QPRT: variants seen among roughly 807,000 people sequenced by gnomAD.
The protein encoded by QPRT is quinolinate phosphoribosyltransferase.
Under a neutral mutation model 19.8 loss-of-function variants are expected in QPRT, and 17 were observed. The ratio of observed to expected loss-of-function variants is 0.86; its 90% confidence interval spans 0.59 to 1.29. QPRT has a LOEUF of 1.29. Ranked by LOEUF, QPRT falls within the 50% of genes most tolerant of loss-of-function variation. The pLI is 0.00. For synonymous variants in QPRT, 178 were observed against 191.0 expected, an observed-to-expected ratio of 0.93 and a Z score of 0.56; for missense variants, 336 against 405.1, an observed-to-expected ratio of 0.83 and a Z score of 1.46.
At position 29,695,072 on chromosome 16, in the gene QPRT, C is replaced by T. The variant is rs1479367439; in HGVS notation, c.422C>T (p.Thr141Met). 4.4e-6 allele frequency: 7 copies of T among 1,606,478 alleles called. No individual in the cohort carries two copies. Among genetic ancestry groups the T allele is most frequent in the Non-Finnish European group, 5.9e-6 (7 of 1,178,782 alleles). The change falls in exon 2 of 4, where the codon ACG (threonine) becomes ATG (methionine). Residue 141 changes from threonine (T) to methionine (M), a missense_variant. Thr to Met is a moderately conservative substitution (Grantham distance 81). Transcript: ENST00000395384. ...CACGTGGCAGGCACGAGGAAGACCA[C>T]GCCAGGCTTCCGGCTGGTGGAGAAG... ...TGHVAGTRKT[T>M]PGFRLVEKYG...
At chr16:29,688,579 G>A (rs1164276628) in intron 1 of QPRT, among the ~76,000 whole-genome samples, 1 of 152,030 alleles carries the variant, frequency 6.6e-6, no homozygotes, top group Non-Finnish European at 1.5e-5. Context: ...GAGTACAGTG[G>A]TGCTATCTCG....
intron 1 of QPRT, among the ~76,000 whole-genome samples, chr16:29,685,192 C>T (rs1242986845): frequency 4.6e-5 from 7 of 152,026 alleles, no homozygotes; most frequent in Admixed American, 2.0e-4. Context: ...ATTTGTTGGC[C>T]GGGCGCAGTG....
Position 29,679,213 on chromosome 16 carries a change from AAAGGG to A in QPRT, c.13+5_13+9del. Reference sequence around the variant, plus strand: ...GCAAGTCACCATGGACGCTGAAGGTAAAGGGACACTCTCTCTGCCATGTCCCTGCA... The same window carrying A: ...GCAAGTCACCATGGACGCTGAAGGTAACACTCTCTCTGCCATGTCCCTGCA... On this transcript the variant is annotated splice_donor_5th_base_variant and intron_variant, in intron 1 of 3. Transcript: ENST00000395384. 1 of 1,608,408 alleles carries A rather than the reference AAAGGG, an allele frequency of 6.2e-7. No individual in the cohort carries two copies. Among genetic ancestry groups the A allele is most frequent in the Non-Finnish European group, 8.5e-7 (1 of 1,175,106 alleles).
chr16:29,693,216 G>C (rs1351507963), intron 1 of QPRT, among the ~76,000 whole-genome samples: 1 of 152,100 alleles, frequency 6.6e-6, no homozygotes, highest in African/African-American at 2.4e-5. Flanking sequence ...GCAAATAGTA[G>C]GTCTTATTCA....
intron 1 of QPRT, among the ~76,000 whole-genome samples, chr16:29,683,089 A>G (rs1249677980): frequency 6.6e-6 from 1 of 150,456 alleles, no homozygotes; most frequent in Non-Finnish European, 1.5e-5. Context: ...CAGTGGCGCA[A>G]CCTCGGCTCA....
At chr16:29,692,297 C>A (rs1217340771) in intron 1 of QPRT, among the ~76,000 whole-genome samples, 1 of 151,860 alleles carries the variant, frequency 6.6e-6, no homozygotes, top group African/African-American at 2.4e-5. Flanking sequence ...AGTGTGGGTA[C>A]TGGCCGGGCG....
intron 1 of QPRT, among the ~76,000 whole-genome samples, chr16:29,691,466 G>A (rs564729124): frequency 9.2e-4 from 138 of 149,972 alleles, no homozygotes; most frequent in Admixed American, 2.8e-3. Context: ...GATTGCTTAA[G>A]CCTGGGAGTT....
chr16:29,693,788 C>T (rs1967426443), intron 1 of QPRT, among the ~76,000 whole-genome samples: 1 of 151,700 alleles, frequency 6.6e-6, no homozygotes, highest in Admixed American at 6.6e-5. Context: ...GAGGGTTTTA[C>T]CATTTTGGCT....
intron 1 of QPRT, among the ~76,000 whole-genome samples, chr16:29,685,016 G>C (rs571974208): frequency 2.0e-4 from 30 of 152,234 alleles, no homozygotes; most frequent in Non-Finnish European, 2.1e-4. Flanking sequence ...CCTTCTGCCA[G>C]CTCTCAGCTA....
At chr16:29,696,345 C>T (rs1254245104) in intron 2 of QPRT, 1 of 152,106 alleles carries the variant, frequency 6.6e-6, no homozygotes, top group Non-Finnish European at 1.5e-5. Flanking sequence ...AAAAAATTAG[C>T]CATGCTTGTG....
At chr16:29,696,812 G>A in intron 2 of QPRT, 184 bp from the exon 3 acceptor site, 3 of 648,006 alleles carry the variant, frequency 4.6e-6, no homozygotes, top group Non-Finnish European at 7.4e-6. Flanking sequence ...CAACCCCAAA[G>A]TCTGGTTTCC....
At chr16:29,694,411 G>T (rs937453696) in intron 1 of QPRT, among the ~76,000 whole-genome samples, 1 of 151,972 alleles carries the variant, frequency 6.6e-6, no homozygotes, top group African/African-American at 2.4e-5. Flanking sequence ...GAGCCACCGC[G>T]CCCGGCCCAG....
intron 1 of QPRT, among the ~76,000 whole-genome samples, chr16:29,691,595 G>C (rs927572335): frequency 6.6e-6 from 1 of 152,136 alleles, no homozygotes; most frequent in South Asian, 2.1e-4. Context: ...GCTGAGGCGA[G>C]AGGATTGCTT....
intron 1 of QPRT, among the ~76,000 whole-genome samples, chr16:29,688,634 C>T (rs528347830): frequency 6.6e-6 from 1 of 152,108 alleles, no homozygotes; most frequent in Non-Finnish European, 1.5e-5. Context: ...ATTCTCGTGC[C>T]TCAGCCTCCC....
chr16:29,697,209 C>T lies in QPRT; in HGVS notation c.692C>T (p.Pro231Leu). 1 of 1,610,276 alleles carries T rather than the reference C, an allele frequency of 6.2e-7. No individual in the cohort carries two copies. Among genetic ancestry groups the T allele is most frequent in the East Asian group, 2.2e-5 (1 of 44,762 alleles). ...LDNFKPEELHPTATVLKAQFP... is the reference protein window; with the variant it reads ...LDNFKPEELHLTATVLKAQFP... The stretch of plus-strand genomic sequence containing the variant: ...GCTTGTGTCCCGCAGGAGCTGCACC[C>T]CACGGCCACCGTGCTGAAGGCCCAG... The change falls in exon 4 of 4, where the codon CCC (proline) becomes CTC (leucine). Residue 231 changes from proline (P) to leucine (L), a missense_variant. Pro to Leu is a moderately conservative substitution (Grantham distance 98). Transcript: ENST00000395384. This position sits in a 1 kb window ranked among gnomAD's most constrained non-coding sequence, Gnocchi z 4.4.
At chr16:29,683,796 G>A (rs550070818) in intron 1 of QPRT, among the ~76,000 whole-genome samples, 1 of 152,246 alleles carries the variant, frequency 6.6e-6, no homozygotes, top group African/African-American at 2.4e-5. Flanking sequence ...GCATCTGAAA[G>A]TTTGAAAAGC....
At chr16:29,685,183 T>A (rs1967126138) in intron 1 of QPRT, among the ~76,000 whole-genome samples, 1 of 152,186 alleles carries the variant, frequency 6.6e-6, no homozygotes, top group Non-Finnish European at 1.5e-5. Context: ...AAATTAATTA[T>A]TTGTTGGCCG....
Position 29,697,132 on chromosome 16 carries a change from G to A in QPRT, c.681+5G>A, listed in dbSNP as rs780737901. On this transcript the variant is annotated splice_donor_5th_base_variant and intron_variant, in intron 3 of 3. Coordinates refer to ENST00000395384, the MANE Select transcript of QPRT (RefSeq NM_014298.6). The surrounding 1 kb of genome is among the most constrained non-coding windows in gnomAD (Gnocchi z 4.4). ...CTGGACAACTTCAAGCCAGAGGTAA[G>A]GTGGGCTCTGCCTCCGGGGAGGGAT... The A allele has an allele frequency of 5.7e-5, 91 of 1,601,462 alleles. 2 individuals carry two copies. The highest frequency in any genetic ancestry group is 3.1e-4 in the East Asian group (14 of 44,514).
chr16:29,688,813 T>C (rs1237814048), intron 1 of QPRT, among the ~76,000 whole-genome samples: 5 of 148,352 alleles, frequency 3.4e-5, no homozygotes, highest in Non-Finnish European at 7.4e-5. Flanking sequence ...TGAGTTTCGC[T>C]CTTGTTGGCC....
Sources: gnomAD v4.1 joint callset for allele counts (sites outside exome capture counted in the v4.1 genomes callset) on GRCh38, gnomAD v4.1.1 for gene constraint, Gnocchi (gnomAD v3.1) non-coding constraint, MANE v1.5 for transcripts, NCBI Gene and HGNC (gene_info 2026-07-23, HGNC 2026-07-21) for gene names.